The following TBC1D12 variants were observed in gnomAD, a reference collection of about 807,000 sequenced individuals.
TBC1D12 encodes the protein TBC1 domain family member 12, also known as TBC1 domain family, member 12.
In TBC1D12, 56 loss-of-function variants were observed where a neutral mutation model predicts 86.7. The observed-to-expected ratio is 0.65, with a 90% CI of 0.52 to 0.81. TBC1D12 has a LOEUF of 0.81. Among genes scored for constraint, TBC1D12 ranks in the 30% least tolerant of loss-of-function variants. The pLI is 0.00. For missense variants in TBC1D12, 1,023 were observed against 1,038.8 expected, an observed-to-expected ratio of 0.98 and a Z score of 0.21; for synonymous variants, 421 against 411.7, an observed-to-expected ratio of 1.02 and a Z score of -0.27.
At chr10:94,436,859 C>A (rs2134083851) in intron 1 of TBC1D12, among the ~76,000 whole-genome samples, 1 of 151,540 alleles carries the variant, frequency 6.6e-6, no homozygotes, top group East Asian at 1.9e-4. Context: ...AGGCGCGCAC[C>A]ACCACGCACA....
chr10:94,449,456 A>G (rs2055517609), intron 2 of TBC1D12, among the ~76,000 whole-genome samples: 1 of 152,178 alleles, frequency 6.6e-6, no homozygotes, highest in South Asian at 2.1e-4. Context: ...TTTATAATCT[A>G]TAAAGACATC....
chr10:94,487,612 A>G (rs757351942), intron 3 of TBC1D12, among the ~76,000 whole-genome samples: 3 of 151,012 alleles, frequency 2.0e-5, no homozygotes, highest in Non-Finnish European at 4.4e-5. Flanking sequence ...TTACACTTCA[A>G]CCTCATCCTC....
intron 1 of TBC1D12, among the ~76,000 whole-genome samples, chr10:94,409,913 T>C (rs1316546487): frequency 1.3e-5 from 2 of 152,204 alleles, no homozygotes; most frequent in Non-Finnish European, 2.9e-5. Flanking sequence ...TCACCTTATA[T>C]TTATGGTACA....
chr10:94,447,380 A>G (rs575402614), intron 2 of TBC1D12, among the ~76,000 whole-genome samples: 98 of 152,274 alleles, frequency 6.4e-4, no homozygotes, highest in Non-Finnish European at 1.1e-3. Flanking sequence ...TTGTACCTGT[A>G]TCTTTTCAGA....
At position 94,474,680 on chromosome 10, in the gene TBC1D12, C is replaced by T. The variant is rs1356832965; in HGVS notation, c.1108C>T (p.Arg370Ter). The change falls in exon 3 of 13, where the codon CGA (arginine) becomes TGA (stop). Residue 370 changes from arginine to a stop codon, truncating the protein, a stop_gained. Transcript: ENST00000225235. LOFTEE classifies it high-confidence loss of function. ...SKIIQQEYEARTGRTCKPPPQ... is the reference protein window; with the variant it reads ...SKIIQQEYEA ...TAATTTACTCTAGGAATATGAAGCACGAACGGGGAGGACCTGTAAACCACC... is the reference window on the plus strand; with the variant it reads ...TAATTTACTCTAGGAATATGAAGCATGAACGGGGAGGACCTGTAAACCACC... 3 of 1,613,790 alleles carry T rather than the reference C, an allele frequency of 1.9e-6. No homozygotes were observed. Among genetic ancestry groups the T allele is most frequent in the East Asian group, 2.2e-5 (1 of 44,898 alleles).
At chr10:94,511,823 A>G (rs900207798) in intron 9 of TBC1D12, among the ~76,000 whole-genome samples, 169 bp downstream of exon 9, 1 of 152,198 alleles carries the variant, frequency 6.6e-6, no homozygotes, top group Admixed American at 6.5e-5. Flanking sequence ...CCAAGAGCTT[A>G]TATGTACTTG....
At chr10:94,515,092 A>G (rs2056573853) in intron 9 of TBC1D12, among the ~76,000 whole-genome samples, 1 of 150,128 alleles carries the variant, frequency 6.7e-6, no homozygotes, top group Admixed American at 6.6e-5. Flanking sequence ...TATTTTTAGT[A>G]GAGACGGGGT....
intron 2 of TBC1D12, among the ~76,000 whole-genome samples, 163 bp from the exon 3 acceptor site, chr10:94,474,504 CA>C (rs972368174): frequency 5.5e-5 from 8 of 145,706 alleles, no homozygotes; most frequent in South Asian, 2.2e-4. Flanking sequence ...CCTCCACCTC[CA>C]AAAAAAAAAC....
chr10:94,467,811 A>G (rs999397020), intron 2 of TBC1D12, among the ~76,000 whole-genome samples: 3 of 152,170 alleles, frequency 2.0e-5, no homozygotes, highest in Non-Finnish European at 4.4e-5. Flanking sequence ...CCCCACTCTC[A>G]TGCGCGTACA....
At chr10:94,408,869 T>A (rs1417705943) in intron 1 of TBC1D12, among the ~76,000 whole-genome samples, 1 of 152,232 alleles carries the variant, frequency 6.6e-6, no homozygotes, top group East Asian at 1.9e-4. Context: ...AATACTCTGA[T>A]ATAATTATTT....
At chr10:94,437,221 A>G (rs1238755215) in intron 1 of TBC1D12, among the ~76,000 whole-genome samples, 2 of 151,710 alleles carry the variant, frequency 1.3e-5, no homozygotes, top group Non-Finnish European at 1.5e-5. Flanking sequence ...CAGTTTGACT[A>G]TAATGTATCT....
Position 94,402,988 on chromosome 10 carries a change from C to T in TBC1D12, c.375C>T (p.Gly125=). 1 of 1,574,900 alleles carries T rather than the reference C, an allele frequency of 6.3e-7. No individual in the cohort carries two copies. Residue 125 remains glycine (G), a synonymous_variant, in exon 1 of 13, where the codon GGC becomes GGT. Transcript: ENST00000225235. ...SKHRGAEVAD[G]RAPRHEGMTN... is the part of the protein sequence containing the mutation. ...ACCGCGGCGCGGAGGTGGCTGATGGCCGCGCGCCGCGGCACGAAGGCATGA... is the reference window on the plus strand; with the variant it reads ...ACCGCGGCGCGGAGGTGGCTGATGGTCGCGCGCCGCGGCACGAAGGCATGA...
chr10:94,523,265 G>A (rs1160916299), intron 11 of TBC1D12, among the ~76,000 whole-genome samples: 1 of 148,338 alleles, frequency 6.7e-6, no homozygotes, highest in East Asian at 2.0e-4. Flanking sequence ...TTGTGTTTCA[G>A]TTTTTTGTCT....
chr10:94,506,187 C>T (rs2056458759), intron 6 of TBC1D12, among the ~76,000 whole-genome samples: 1 of 152,106 alleles, frequency 6.6e-6, no homozygotes, highest in Non-Finnish European at 1.5e-5. Flanking sequence ...CAGGCATGCA[C>T]CACCATGCCC....
At chr10:94,405,957 C>T (rs1410669198) in intron 1 of TBC1D12, among the ~76,000 whole-genome samples, 2 of 151,862 alleles carry the variant, frequency 1.3e-5, no homozygotes, top group African/African-American at 2.4e-5. Flanking sequence ...ATTACAGGCA[C>T]CCGCCACCAC....
intron 4 of TBC1D12, among the ~76,000 whole-genome samples, chr10:94,494,914 T>C (rs1389504749): frequency 2.6e-5 from 4 of 152,020 alleles, no homozygotes; most frequent in African/African-American, 9.7e-5. Context: ...TAGGCCAGAG[T>C]GCAGTGGTAC....
rs371561308 is a variant in TBC1D12, at chr10:94,480,781, G to A, written c.1211+5998G>A. ...ATTCCCAGCTACTTGGGAGGCTGAG[G>A]TGGGAGGATTGCTTGAGTCTGAGAG... On this transcript the variant is annotated intron_variant, in intron 3 of 12. Transcript: ENST00000225235. Among the ~76,000 whole-genome samples, 53 of 151,486 alleles carry A rather than the reference G, an allele frequency of 3.5e-4. No homozygotes were observed. The East Asian group carries it at 9.1e-3, about 26-fold the overall frequency.
intron 2 of TBC1D12, among the ~76,000 whole-genome samples, chr10:94,465,155 G>T (rs2055787575): frequency 6.6e-6 from 1 of 152,106 alleles, no homozygotes; most frequent in Non-Finnish European, 1.5e-5. Flanking sequence ...AAAATGCATT[G>T]GTCTTTCTTG....
intron 6 of TBC1D12, among the ~76,000 whole-genome samples, chr10:94,504,374 C>G (rs562154746): frequency 1.3e-5 from 2 of 152,236 alleles, no homozygotes; most frequent in African/African-American, 4.8e-5. Flanking sequence ...TGTAACATAA[C>G]TGAGTCATTT....
Sources: gnomAD v4.1 joint callset for allele counts (sites outside exome capture counted in the v4.1 genomes callset) on GRCh38, gnomAD v4.1.1 for gene constraint, MANE v1.5 for transcripts, NCBI Gene and HGNC (gene_info 2026-07-23, HGNC 2026-07-21) for gene names.